COL23A1: variants seen among roughly 807,000 people sequenced by gnomAD.
COL23A1 encodes collagen type XXIII alpha 1 chain, also known as collagen alpha-1(XXIII) chain.
In COL23A1, 97 loss-of-function variants were observed where a neutral mutation model predicts 99.3. That is an observed-to-expected ratio of 0.98 (90% confidence interval 0.83 to 1.16). The LOEUF is 1.16. Ranked by LOEUF, COL23A1 falls within the 50% of genes most tolerant of loss-of-function variation. The pLI is 0.00. For synonymous variants in COL23A1, 320 were observed against 308.2 expected (o/e 1.04, Z -0.40); for missense variants, 762 against 757.4 (o/e 1.01, Z -0.07).
intron 2 of COL23A1, among the ~76,000 whole-genome samples, chr5:178,506,328 C>T (rs1046619253): frequency 1.3e-5 from 2 of 152,224 alleles, no homozygotes; most frequent in African/African-American, 4.8e-5. Context: ...CACACCACTG[C>T]AGCCTGCACA....
chr5:178,466,203 G>T (rs1365890724), intron 2 of COL23A1, among the ~76,000 whole-genome samples: 11 of 152,070 alleles, frequency 7.2e-5, no homozygotes. Flanking sequence ...CCTCCTCTCG[G>T]CCTCCACTTC....
Position 178,365,336 on chromosome 5 carries a change from G to A in COL23A1, c.362-58417C>T, listed in dbSNP as rs1762412690. On this transcript the variant is annotated intron_variant, in intron 2 of 28. Coordinates refer to ENST00000390654, the MANE Select transcript of COL23A1 (RefSeq NM_173465.4). This position sits in a 1 kb window ranked among gnomAD's most constrained non-coding sequence, Gnocchi z 5.2. ...CCTAGGAGGCACTGAGACCTCGGTG[G>A]CTGTCCCAGGCTCTGTCCTCCCTGC... 6.6e-6 allele frequency among the ~76,000 whole-genome samples: 1 copy of A among 152,082 alleles called. No individual in the cohort carries two copies. The highest frequency in any genetic ancestry group is 2.4e-5 in the African/African-American group (1 of 41,420).
At chr5:178,250,502 G>T (rs747981967) in intron 17 of COL23A1, among the ~76,000 whole-genome samples, 9 of 152,196 alleles carry the variant, frequency 5.9e-5, no homozygotes, top group Non-Finnish European at 1.0e-4. Context: ...CTGCCAGACT[G>T]GTGTGCTGTC....
chr5:178,569,771 C>T (rs1422492629), intron 1 of COL23A1, among the ~76,000 whole-genome samples: 1 of 152,154 alleles, frequency 6.6e-6, no homozygotes, highest in Non-Finnish European at 1.5e-5. Flanking sequence ...CTCTTGCTGG[C>T]TGTTGGCTGG....
chr5:178,463,672 C>T (rs1018216763), intron 2 of COL23A1, among the ~76,000 whole-genome samples: 2 of 152,210 alleles, frequency 1.3e-5, no homozygotes, highest in Non-Finnish European at 2.9e-5. Context: ...GAGCGGGACA[C>T]AGGCTTCCCC....
intron 12 of COL23A1, among the ~76,000 whole-genome samples, chr5:178,257,828 C>T (rs1765391072): frequency 6.6e-6 from 1 of 152,222 alleles, no homozygotes; most frequent in African/African-American, 2.4e-5. Context: ...GTACATTCAT[C>T]CATTCATTCC....
chr5:178,553,958 G>C (rs1168646022), intron 2 of COL23A1, among the ~76,000 whole-genome samples: 1 of 152,132 alleles, frequency 6.6e-6, no homozygotes, highest in African/African-American at 2.4e-5. Context: ...TAAGCTGTCT[G>C]CACATGTGAA....
intron 2 of COL23A1, among the ~76,000 whole-genome samples, chr5:178,382,479 G>A (rs537085484): frequency 6.6e-6 from 1 of 152,284 alleles, no homozygotes; most frequent in Admixed American, 6.5e-5. Flanking sequence ...TGCCAGGCTG[G>A]GGCAGGGGAC....
At chr5:178,440,368 G>A (rs924195295) in intron 2 of COL23A1, among the ~76,000 whole-genome samples, 11 of 151,990 alleles carry the variant, frequency 7.2e-5, no homozygotes, top group Non-Finnish European at 1.3e-4. Context: ...CTTCTCCACC[G>A]CAAGCTCCAT....
At chr5:178,423,640 G>A (rs1765753837) in intron 2 of COL23A1, among the ~76,000 whole-genome samples, 1 of 152,130 alleles carries the variant, frequency 6.6e-6, no homozygotes, top group Non-Finnish European at 1.5e-5. Context: ...GTGCAAACAT[G>A]TACACACACA....
chr5:178,449,834 G>A (rs1161283541), intron 2 of COL23A1, among the ~76,000 whole-genome samples: 1 of 152,120 alleles, frequency 6.6e-6, no homozygotes, highest in Non-Finnish European at 1.5e-5. Flanking sequence ...TCCAGCGCCG[G>A]TTAGTAAGTG....
intron 2 of COL23A1, among the ~76,000 whole-genome samples, chr5:178,429,984 C>T (rs1376051720): frequency 6.6e-6 from 1 of 152,154 alleles, no homozygotes; most frequent in Non-Finnish European, 1.5e-5. Context: ...TGTTCCTTGT[C>T]CAGGCAGGCT....
In COL23A1 at chr5:178,263,240, TC is replaced by T. The variant is rs745735436; in HGVS notation, c.606del (p.Asp204MetfsTer105). 6.2e-7 allele frequency: 1 copy of T among 1,613,708 alleles called. No individual in the cohort carries two copies. On this transcript the variant is annotated frameshift_variant, in exon 9 of 29. Coordinates refer to ENST00000390654, the MANE Select transcript of COL23A1 (RefSeq NM_173465.4). LOFTEE classifies it high-confidence loss of function. Reference protein sequence around the residue: ...PGARGPPGDTGKDGPRGAQGP... With the variant: ...PGARGPPGDTXKDGPRGAQGP... Reference sequence around the variant, plus strand: ...CCTTGTGCTCCCCTGGGGCCATCTTTCCCAGTGTCGCCAGGAGGGCCCCGGG... The same window carrying T: ...CCTTGTGCTCCCCTGGGGCCATCTTTCCAGTGTCGCCAGGAGGGCCCCGGG...
chr5:178,290,270 C>G, intron 4 of COL23A1, 92 bp downstream of exon 4: 1 of 1,589,642 alleles, frequency 6.3e-7, no homozygotes, highest in Non-Finnish European at 8.6e-7. Context: ...GGACACACCT[C>G]CCTAACCAAA....
At chr5:178,496,999 ACAT>A (rs1758231891) in intron 2 of COL23A1, among the ~76,000 whole-genome samples, 1 of 152,208 alleles carries the variant, frequency 6.6e-6, no homozygotes, top group South Asian at 2.1e-4. Flanking sequence ...CTCCTGAGAC[ACAT>A]TGTCTTAAGC....
chr5:178,315,963 T>C (rs1386743911), intron 2 of COL23A1, among the ~76,000 whole-genome samples: 1 of 152,218 alleles, frequency 6.6e-6, no homozygotes, highest in African/African-American at 2.4e-5. Flanking sequence ...TCACCTACTT[T>C]TTAATACAGC....
At chr5:178,485,171 T>C (rs1051976732) in intron 2 of COL23A1, among the ~76,000 whole-genome samples, 4 of 152,174 alleles carry the variant, frequency 2.6e-5, no homozygotes, top group Non-Finnish European at 5.9e-5. Context: ...TAGTTTTGTT[T>C]GTAAAGAAAT....
rs1294686236 is a variant in COL23A1 at position 178,358,133 on chromosome 5, CTAA to C, written c.362-51217_362-51215del. On this transcript the variant is annotated intron_variant, in intron 2 of 28. Transcript: ENST00000390654. ...TATGTGTATGTGTACGTGTGTACGT[CTAA>C]TGTGTGTGTATGTGTATGTGTGTAT... Among the ~76,000 whole-genome samples the C allele has an allele frequency of 1.3e-4, 18 of 133,670 alleles. 1 individual carries two copies. Among genetic ancestry groups the C allele is most frequent in the Admixed American group, 2.4e-4 (3 of 12,752 alleles). 87.7% of individuals were successfully genotyped at this position (133,670 alleles called of 152,430 possible). A position where few individuals can be genotyped will look rare whatever the true frequency, so the allele number is the denominator to read the frequency against.
chr5:178,307,220 A>G lies in COL23A1; in HGVS notation c.362-301T>C, dbSNP rs866990659. On this transcript the variant is annotated intron_variant, in intron 2 of 28. Transcript: ENST00000390654. The surrounding 1 kb of genome is among the most constrained non-coding windows in gnomAD (Gnocchi z 4.2). ...ATTCCTAAGCCCTCCCCTAATCACAAAGATTCCCATGGGAGGCTCCTGAGG... is the reference window on the plus strand; with the variant it reads ...ATTCCTAAGCCCTCCCCTAATCACAGAGATTCCCATGGGAGGCTCCTGAGG... 9.9e-5 allele frequency among the ~76,000 whole-genome samples: 15 copies of G among 152,266 alleles called. No individual in the cohort carries two copies. In the Middle Eastern group the frequency reaches 0.014, roughly 138 times the overall value.
Sources: allele counts gnomAD v4.1 joint callset (sites outside exome capture counted in the v4.1 genomes callset), GRCh38; gene constraint gnomAD v4.1.1; non-coding constraint Gnocchi (gnomAD v3.1); transcripts MANE v1.5; gene names NCBI Gene and HGNC (gene_info 2026-07-23, HGNC 2026-07-21).